The following GNAO1 variants were observed in gnomAD, a reference collection of about 807,000 sequenced individuals.
GNAO1 encodes G protein subunit alpha o1, also known as guanine nucleotide-binding protein G(o) subunit alpha.
For synonymous variants in GNAO1, 164 were observed against 180.7 expected (o/e 0.91, Z 0.74); for missense variants, 166 against 478.7 (o/e 0.35, Z 6.10).
At chr16:56,197,509 G>A (rs1423148096) in intron 2 of GNAO1, among the ~76,000 whole-genome samples, 1 of 152,180 alleles carries the variant, frequency 6.6e-6, no homozygotes, top group Non-Finnish European at 1.5e-5. Flanking sequence ...TAGTCCACCC[G>A]ATCTCCTCAG....
chr16:56,340,651 A>T, intron 6 of GNAO1: 1 of 643,634 alleles, frequency 1.6e-6, no homozygotes, highest in Non-Finnish European at 2.8e-6. Flanking sequence ...GTGGAATGAA[A>T]CAGGACCACG....
intron 3 of GNAO1, among the ~76,000 whole-genome samples, chr16:56,319,227 C>T (rs1459936325): frequency 6.6e-6 from 1 of 152,212 alleles, no homozygotes; most frequent in Non-Finnish European, 1.5e-5. Context: ...TGGGCTTTTC[C>T]AAGTCCCTGC....
At chr16:56,213,022 G>C (rs990646129) in intron 2 of GNAO1, among the ~76,000 whole-genome samples, 1 of 152,196 alleles carries the variant, frequency 6.6e-6, no homozygotes. Flanking sequence ...AGCCCTGCCC[G>C]GTGGCCAGCA....
intron 2 of GNAO1, among the ~76,000 whole-genome samples, chr16:56,261,906 G>C (rs989343572): frequency 1.3e-5 from 2 of 152,150 alleles, no homozygotes; most frequent in African/African-American, 2.4e-5. Flanking sequence ...CAAGACTCCT[G>C]ACTGCTAAGA....
rs1297225571 is a variant in GNAO1, at chr16:56,336,754, G to T, written c.617G>T (p.Arg206Leu). 1 of 1,613,008 alleles carries T rather than the reference G, an allele frequency of 6.2e-7. No individual in the cohort carries two copies. The highest frequency in any genetic ancestry group is 1.1e-5 in the South Asian group (1 of 90,952). ...HFRLFDVGGQ[R>L]SERKKWIHCF... Reference sequence around the variant, plus strand: ...AGGCTGTTTGACGTCGGAGGCCAGCGATCTGAACGCAAGAAGTGGATCCAT... The same window carrying T: ...AGGCTGTTTGACGTCGGAGGCCAGCTATCTGAACGCAAGAAGTGGATCCAT... Residue 206 changes from arginine (R) to leucine (L), a missense_variant, in exon 6 of 9, where the codon CGA (arginine) becomes CTA (leucine). Physicochemically the swap from Arg to Leu is moderately radical, Grantham distance 102 (BLOSUM62 -2). Transcript: ENST00000262493.
At chr16:56,263,309 C>A (rs375699808) in intron 2 of GNAO1, among the ~76,000 whole-genome samples, 1 of 152,312 alleles carries the variant, frequency 6.6e-6, no homozygotes, top group South Asian at 2.1e-4. Context: ...AGGTCCCAAG[C>A]AATCACCTGT....
intron 6 of GNAO1, among the ~76,000 whole-genome samples, chr16:56,337,319 A>G (rs569789409): frequency 6.6e-6 from 1 of 152,038 alleles, no homozygotes; most frequent in South Asian, 2.1e-4. Flanking sequence ...AGAGGTGGGG[A>G]GGGCCCAGGA....
intron 2 of GNAO1, among the ~76,000 whole-genome samples, chr16:56,217,361 G>A (rs1285196545): frequency 6.6e-6 from 1 of 152,172 alleles, no homozygotes; most frequent in Non-Finnish European, 1.5e-5. Flanking sequence ...TTAGCTAAAC[G>A]CTTGCAGTGA....
At chr16:56,284,348 G>A (rs3790092) in intron 3 of GNAO1, among the ~76,000 whole-genome samples, 29,316 of 151,946 alleles carry the variant, frequency 0.19, 3,048 homozygotes, top group East Asian at 0.38. Context: ...GGATCGGGCC[G>A]CAAGCTCCTG....
At chr16:56,347,252 T>G in intron 6 of GNAO1, 1 of 985,464 alleles carries the variant, frequency 1.0e-6, no homozygotes, top group East Asian at 1.1e-4. Flanking sequence ...AACCTGGCAG[T>G]TCTCAGGAAC....
chr16:56,350,041 C>G (rs770379215), intron 6 of GNAO1, among the ~76,000 whole-genome samples: 54 of 152,156 alleles, frequency 3.5e-4, no homozygotes, highest in Non-Finnish European at 6.9e-4. Context: ...GCAGGGAGAG[C>G]GCTGGCACAG....
intron 2 of GNAO1, among the ~76,000 whole-genome samples, chr16:56,248,676 A>T (rs2036771813): frequency 6.6e-6 from 1 of 152,208 alleles, no homozygotes; most frequent in African/African-American, 2.4e-5. Context: ...CAGCCTCTGA[A>T]GGAAGTGTGG....
chr16:56,245,520 G>A (rs536260209), intron 2 of GNAO1: 1 of 154,948 alleles, frequency 6.5e-6, no homozygotes, highest in East Asian at 1.9e-4. Flanking sequence ...AAGCTGATGT[G>A]GATGTGTTCC....
Position 56,192,630 on chromosome 16 carries a change from G to C in GNAO1, c.161+14G>C. ...GAAGCAGATGAAGTAAGTCCCTGTGGCATTGGGATTCGTACTTTTATTAAG... is the reference window on the plus strand; with the variant it reads ...GAAGCAGATGAAGTAAGTCCCTGTGCCATTGGGATTCGTACTTTTATTAAG... On this transcript the variant is annotated intron_variant, in intron 2 of 8. Transcript: ENST00000262493. The C allele has an allele frequency of 6.6e-7, 1 of 1,512,170 alleles. No homozygotes were observed. The highest frequency in any genetic ancestry group is 9.2e-7 in the Non-Finnish European group (1 of 1,087,406). The allele number at this position is 1,512,170 out of a possible 1,614,324, so 93.7% of individuals were successfully genotyped here.
chr16:56,265,208 T>C (rs1487690703), intron 2 of GNAO1, among the ~76,000 whole-genome samples: 1 of 152,218 alleles, frequency 6.6e-6, no homozygotes, highest in Non-Finnish European at 1.5e-5. Context: ...GAATAGCTCA[T>C]GGCCCATTCA....
intron 2 of GNAO1, among the ~76,000 whole-genome samples, chr16:56,258,393 C>T (rs2036872224): frequency 6.6e-6 from 1 of 152,176 alleles, no homozygotes; most frequent in African/African-American, 2.4e-5. Flanking sequence ...TAAAAATGTC[C>T]AGCACAAAGT....
At chr16:56,293,211 T>C (rs1262477409) in intron 3 of GNAO1, among the ~76,000 whole-genome samples, 1 of 152,248 alleles carries the variant, frequency 6.6e-6, no homozygotes, top group Non-Finnish European at 1.5e-5. Context: ...AGGGAGCCAG[T>C]CTCTGGCATA....
At chr16:56,276,691 C>T (rs185715847) in intron 3 of GNAO1, 19 of 152,354 alleles carry the variant, frequency 1.2e-4, no homozygotes, top group East Asian at 7.7e-4. Flanking sequence ...AATTTGCAAA[C>T]ATTTATATTA....
At chr16:56,203,785 A>C (rs2036301574) in intron 2 of GNAO1, among the ~76,000 whole-genome samples, 1 of 152,210 alleles carries the variant, frequency 6.6e-6, no homozygotes, top group Admixed American at 6.5e-5. Flanking sequence ...AGTATGAGCT[A>C]AAGTACAGAA....
Sources: allele counts gnomAD v4.1 joint callset (sites outside exome capture counted in the v4.1 genomes callset), GRCh38; gene constraint gnomAD v4.1.1; transcripts MANE v1.5; gene names NCBI Gene and HGNC (gene_info 2026-07-23, HGNC 2026-07-21).